TRDN: variants seen among roughly 807,000 people sequenced by gnomAD.
TRDN encodes triadin in skeletal muscle.
In TRDN, 161 loss-of-function variants were observed where a neutral mutation model predicts 149.7. The observed-to-expected ratio is 1.08, with a 90% CI of 0.95 to 1.23. The LOEUF is 1.23. Ranked by LOEUF, TRDN falls within the 50% of genes most tolerant of loss-of-function variation. The pLI, the probability that TRDN is intolerant of heterozygous loss-of-function variation, is 0.00. For missense variants in TRDN, 896 were observed against 823.5 expected, an observed-to-expected ratio of 1.09 and a Z score of -1.08; for synonymous variants, 294 against 250.5, an observed-to-expected ratio of 1.17 and a Z score of -1.64.
chr6:123,528,542 T>C, intron 5 of TRDN: 1 of 727,108 alleles, frequency 1.4e-6, no homozygotes, highest in Non-Finnish European at 1.7e-6. Flanking sequence ...ACTACTACCT[T>C]TCAAATACTG....
At chr6:123,358,965 T>C (rs1211228870) in intron 20 of TRDN, among the ~76,000 whole-genome samples, 3 of 152,288 alleles carry the variant, frequency 2.0e-5, no homozygotes, top group Non-Finnish European at 2.9e-5. Flanking sequence ...TTTCCAAAGA[T>C]AGAATGCTAT....
chr6:123,288,660 A>G (rs973440574), intron 24 of TRDN, among the ~76,000 whole-genome samples: 8 of 103,062 alleles, frequency 7.8e-5, no homozygotes, highest in African/African-American at 2.1e-4. Context: ...TGGGAAATAT[A>G]AATTAAACTA....
At position 123,332,449 on chromosome 6, in the gene TRDN, A is replaced by G. The variant is rs77165405; in HGVS notation, c.1421-520T>C. Among the ~76,000 whole-genome samples the G allele has an allele frequency of 7.9e-4, 120 of 152,174 alleles. 1 individual carries two copies. The highest frequency in any genetic ancestry group is 2.7e-3 in the African/African-American group (111 of 41,560). On this transcript the variant is annotated intron_variant, in intron 22 of 40. Coordinates refer to ENST00000334268, the MANE Select transcript of TRDN (RefSeq NM_006073.4). ...TTTCAGCTAGGAGACAATTTTACCT[A>G]TAAACTTTTAAAGTCTTCAAAATGA...
At chr6:123,402,279 C>G (rs1773011176) in intron 12 of TRDN, among the ~76,000 whole-genome samples, 1 of 152,152 alleles carries the variant, frequency 6.6e-6, no homozygotes, top group Non-Finnish European at 1.5e-5. Context: ...GAGCTTCAGC[C>G]AGTCACAGGC....
At chr6:123,535,146 G>T (rs531514114) in intron 4 of TRDN, among the ~76,000 whole-genome samples, 1 of 152,206 alleles carries the variant, frequency 6.6e-6, no homozygotes, top group East Asian at 1.9e-4. Flanking sequence ...TTTGAATTTT[G>T]AGAAGGGAAG....
At chr6:123,354,885 T>TA (rs1276438225) in intron 20 of TRDN, among the ~76,000 whole-genome samples, 1 of 151,576 alleles carries the variant, frequency 6.6e-6, no homozygotes, top group Non-Finnish European at 1.5e-5. Flanking sequence ...ATATTTCCCT[T>TA]ACATTGTAAC....
chr6:123,338,081 T>A (rs1189969702), intron 21 of TRDN, among the ~76,000 whole-genome samples: 2 of 152,176 alleles, frequency 1.3e-5, no homozygotes, highest in Non-Finnish European at 2.9e-5. Context: ...ATAAATTGAT[T>A]AAATAACTTT....
At chr6:123,329,028 G>T (rs991248637) in intron 23 of TRDN, among the ~76,000 whole-genome samples, 3 of 152,016 alleles carry the variant, frequency 2.0e-5, no homozygotes, top group Non-Finnish European at 4.4e-5. Context: ...TTCATTTTAA[G>T]GAATGAAGAT....
chr6:123,547,982 T>G (rs948440072), intron 3 of TRDN, among the ~76,000 whole-genome samples: 1 of 152,114 alleles, frequency 6.6e-6, no homozygotes, highest in African/African-American at 2.4e-5. Context: ...CCAATAAATT[T>G]ACTCTTTTGA....
At chr6:123,305,634 T>G (rs1460101040) in intron 24 of TRDN, among the ~76,000 whole-genome samples, 3 of 152,144 alleles carry the variant, frequency 2.0e-5, no homozygotes, top group Non-Finnish European at 2.9e-5. Flanking sequence ...GTTTCTGTTT[T>G]CCACATGAAA....
chr6:123,224,035 C>G, intron 39 of TRDN, 58 bp downstream of exon 39: 2 of 1,420,370 alleles, frequency 1.4e-6, no homozygotes, highest in South Asian at 2.6e-5. Context: ...AAAAGACAGA[C>G]AAAAACCTTA....
intron 38 of TRDN, among the ~76,000 whole-genome samples, chr6:123,241,277 TG>T (rs1483464699): frequency 6.6e-6 from 1 of 151,258 alleles, no homozygotes; most frequent in Non-Finnish European, 1.5e-5. Context: ...ACAAATATGA[TG>T]CTTTAGTTAT....
At chr6:123,419,436 G>A (rs916616892) in intron 12 of TRDN, among the ~76,000 whole-genome samples, 3 of 152,112 alleles carry the variant, frequency 2.0e-5, no homozygotes, top group Non-Finnish European at 4.4e-5. Context: ...GAGTACAGTG[G>A]TGTGATAACT....
intron 20 of TRDN, among the ~76,000 whole-genome samples, chr6:123,365,076 C>A (rs1781039615): frequency 6.6e-6 from 1 of 152,052 alleles, no homozygotes; most frequent in South Asian, 2.1e-4. Flanking sequence ...ACTGACATCA[C>A]AAATATTAGA....
At chr6:123,626,373 T>C (rs1449502787) in intron 1 of TRDN, among the ~76,000 whole-genome samples, 1 of 152,038 alleles carries the variant, frequency 6.6e-6, no homozygotes, top group Non-Finnish European at 1.5e-5. Flanking sequence ...ATCCCACTAC[T>C]CAGTGGGTGA....
intron 23 of TRDN, among the ~76,000 whole-genome samples, chr6:123,324,829 C>A (rs1391655490): frequency 1.3e-5 from 2 of 152,128 alleles, no homozygotes; most frequent in African/African-American, 2.4e-5. Flanking sequence ...TAATACATGA[C>A]CTCTTTCCAT....
chr6:123,388,326 A>T (rs568695944), intron 14 of TRDN, among the ~76,000 whole-genome samples, 196 bp downstream of exon 14: 2 of 152,246 alleles, frequency 1.3e-5, no homozygotes, highest in East Asian at 3.9e-4. Context: ...GAAAGACTAG[A>T]TTAAAATTAC....
At chr6:123,584,383 C>G (rs111743035) in intron 1 of TRDN, among the ~76,000 whole-genome samples, 1,406 of 112,824 alleles carry the variant, frequency 0.012, 18 homozygotes, top group African/African-American at 0.033. Context: ...AGCCGCTGCA[C>G]GGAGACATGA....
intron 38 of TRDN, among the ~76,000 whole-genome samples, chr6:123,250,776 T>C (rs1776346147): frequency 6.6e-6 from 1 of 152,122 alleles, no homozygotes; most frequent in African/African-American, 2.4e-5. Flanking sequence ...GTCCCAATAA[T>C]TCCTTGACTT....
Sources: allele counts gnomAD v4.1 joint callset (sites outside exome capture counted in the v4.1 genomes callset), GRCh38; gene constraint gnomAD v4.1.1; transcripts MANE v1.5; gene names NCBI Gene and HGNC (gene_info 2026-07-23, HGNC 2026-07-21).